The following GAB4 variants were observed in gnomAD, a reference collection of about 807,000 sequenced individuals.
The protein encoded by GAB4 is GRB2 associated binding protein family member 4, also known as GRB2-associated-binding protein 4.
GAB4 carries 26 observed loss-of-function variants against 51.3 expected under a neutral mutation model. The ratio of observed to expected loss-of-function variants is 0.51; its 90% CI spans 0.37 to 0.70. The LOEUF (loss-of-function observed/expected upper bound fraction) is 0.70, where lower values mean the gene tolerates loss of function less well. Among genes scored for constraint, GAB4 ranks in the 30% least tolerant of loss-of-function variants. The probability of loss-of-function intolerance (pLI) is 0.00; values close to 1 mark genes in which losing one functional copy is unlikely to be tolerated. For missense variants in GAB4, 759 were observed against 734.6 expected (o/e 1.03, Z -0.38); for synonymous variants, 329 against 291.2 (o/e 1.13, Z -1.32).
chr22:16,965,779 G>GC (rs2060667558), intron 6 of GAB4, among the ~76,000 whole-genome samples: 1 of 152,162 alleles, frequency 6.6e-6, no homozygotes, highest in Admixed American at 6.5e-5. Flanking sequence ...TGAACCCCGT[G>GC]CTGGGCCAAG....
chr22:17,005,768 A>T (rs1394128523), intron 1 of GAB4, among the ~76,000 whole-genome samples: 1 of 152,232 alleles, frequency 6.6e-6, no homozygotes, highest in South Asian at 2.1e-4. Flanking sequence ...CTATTTAATA[A>T]ATGGTGTTGG....
intron 2 of GAB4, among the ~76,000 whole-genome samples, chr22:16,991,336 GC>G (rs2060912564): frequency 1.3e-5 from 2 of 150,416 alleles, no homozygotes; most frequent in Admixed American, 6.6e-5. Context: ...AAAGCCTGCT[GC>G]TCCTCAACCT....
chr22:16,975,034 G>A (rs1182951801), intron 3 of GAB4, among the ~76,000 whole-genome samples: 2 of 152,166 alleles, frequency 1.3e-5, no homozygotes, highest in African/African-American at 4.8e-5. Flanking sequence ...ATTCCCTCGG[G>A]TGCCTACACC....
intron 1 of GAB4, among the ~76,000 whole-genome samples, chr22:16,995,086 C>T (rs1203983737): frequency 1.3e-5 from 2 of 152,168 alleles, no homozygotes; most frequent in East Asian, 3.8e-4. Flanking sequence ...CTATAAACGC[C>T]TTGGTCATAA....
chr22:16,964,884 G>A (rs1215107733), intron 7 of GAB4, 22 bp from the exon 8 acceptor site: 1 of 1,591,664 alleles, frequency 6.3e-7, no homozygotes, highest in African/African-American at 1.3e-5. Context: ...AGAAGGCAAG[G>A]AGTACATCCT....
intron 1 of GAB4, among the ~76,000 whole-genome samples, chr22:17,006,000 CA>C (rs756137312): frequency 2.0e-5 from 3 of 152,158 alleles, no homozygotes; most frequent in Non-Finnish European, 4.4e-5. Context: ...GCAATGGTAA[CA>C]AAAGCCAAAA....
At chr22:16,984,590 G>A (rs1263585878) in intron 3 of GAB4, among the ~76,000 whole-genome samples, 8 of 152,056 alleles carry the variant, frequency 5.3e-5, no homozygotes, top group Admixed American at 5.2e-4. Context: ...TGTGTAGACT[G>A]TGGGTTGCCA....
intron 8 of GAB4, 98 bp downstream of exon 8, chr22:16,964,668 G>A: frequency 1.3e-6 from 1 of 786,764 alleles, no homozygotes; most frequent in Non-Finnish European, 2.1e-6. Flanking sequence ...ACTGGGCTGG[G>A]GTGAGTCAGC....
At chr22:17,005,392 G>A (rs2061032391) in intron 1 of GAB4, among the ~76,000 whole-genome samples, 1 of 152,200 alleles carries the variant, frequency 6.6e-6, no homozygotes, top group African/African-American at 2.4e-5. Flanking sequence ...CTCATGGATA[G>A]GAAGAATCAA....
chr22:16,966,614 C>G (rs2060678347), intron 5 of GAB4: 1 of 507,742 alleles, frequency 2.0e-6, no homozygotes, highest in Non-Finnish European at 3.5e-6. Flanking sequence ...TTCCATGACA[C>G]AGTCAACATG....
Position 16,965,188 on chromosome 22 carries a change from A to ACCC in GAB4, c.1368_1369insGGG (p.Trp456_Ser457insGly). ...CTGACAGACACTCACCTGGTCCCAG[A>ACCC]CCAGGGCTCTGTGACAGGTGGCTTG... On this transcript the variant is annotated inframe_insertion, in exon 7 of 10. Coordinates refer to ENST00000400588, the MANE Select transcript of GAB4 (RefSeq NM_001037814.1). 6.2e-7 allele frequency: 1 copy of ACCC among 1,613,094 alleles called. No homozygotes were observed. Among genetic ancestry groups the ACCC allele is most frequent in the South Asian group, 1.1e-5 (1 of 90,966 alleles).
In GAB4 at chr22:16,981,222, C is replaced by T. The variant is rs187780917; in HGVS notation, c.686+6738G>A. Among the ~76,000 whole-genome samples, 106 of 149,986 alleles carry T rather than the reference C, an allele frequency of 7.1e-4. 1 individual carries two copies. In the East Asian group the frequency reaches 0.017, roughly 24 times the overall value. ...AGTAGAAAAAAACTAAATGATGCCCCTTAAAAAAGTTCAAAAGTAAGAAAA... is the reference window on the plus strand; with the variant it reads ...AGTAGAAAAAAACTAAATGATGCCCTTTAAAAAAGTTCAAAAGTAAGAAAA... On this transcript the variant is annotated intron_variant, in intron 3 of 9. Coordinates refer to ENST00000400588, the MANE Select transcript of GAB4 (RefSeq NM_001037814.1).
At chr22:16,977,530 T>C (rs2060789327) in intron 3 of GAB4, among the ~76,000 whole-genome samples, 1 of 152,154 alleles carries the variant, frequency 6.6e-6, no homozygotes, top group African/African-American at 2.4e-5. Flanking sequence ...ATAAAGCAAG[T>C]TCTTCTGGAC....
chr22:17,000,061 C>T (rs76145986), intron 1 of GAB4, among the ~76,000 whole-genome samples: 51,379 of 151,906 alleles, frequency 0.34, 9,185 homozygotes, highest in South Asian at 0.46. Flanking sequence ...TTACTTCCAA[C>T]GATGTGGTCA....
chr22:17,008,010 C>A lies in GAB4; in HGVS notation c.105G>T (p.Thr35=). Residue 35 remains threonine (T), a synonymous_variant, in exon 1 of 10, where the codon ACG becomes ACT. Coordinates refer to ENST00000400588, the MANE Select transcript of GAB4 (RefSeq NM_001037814.1). ...WPGSGPAGGS[T]RSGHVLYSGW... is the part of the protein sequence containing the mutation. ...CGCTGTACAGCACGTGGCCACTTCT[C>A]GTGCTTCCGCCGGCGGGGCCACTTC... 1 of 1,612,302 alleles carries A rather than the reference C, an allele frequency of 6.2e-7. No homozygotes were observed. The highest frequency in any genetic ancestry group is 8.5e-7 in the Non-Finnish European group (1 of 1,179,434).
chr22:16,962,334 T>C lies in GAB4; in HGVS notation c.*399A>G. On this transcript the variant is annotated 3_prime_UTR_variant, in exon 10 of 10. Coordinates refer to ENST00000400588, the MANE Select transcript of GAB4 (RefSeq NM_001037814.1). ...TCCCCTGACCAAAAAATGCCAGGGCTGAAAAGGTCCATGTCCACTGTGGCC... is the reference window on the plus strand; with the variant it reads ...TCCCCTGACCAAAAAATGCCAGGGCCGAAAAGGTCCATGTCCACTGTGGCC... 6.1e-6 allele frequency: 1 copy of C among 162,780 alleles called. No individual in the cohort carries two copies. Among genetic ancestry groups the C allele is most frequent in the Non-Finnish European group, 1.3e-5 (1 of 75,402 alleles). The allele number at this position is 162,780 out of a possible 1,614,324, so 10.1% of individuals were successfully genotyped here. A position where few individuals can be genotyped will look rare whatever the true frequency, so the allele number is the denominator to read the frequency against.
intron 1 of GAB4, among the ~76,000 whole-genome samples, chr22:17,002,261 A>G (rs1198518019): frequency 3.3e-5 from 5 of 152,150 alleles, no homozygotes; most frequent in Admixed American, 1.3e-4. Flanking sequence ...AGCTGTTCCT[A>G]TTTGGCCATC....
At chr22:17,000,694 G>C (rs1225018827) in intron 1 of GAB4, among the ~76,000 whole-genome samples, 2 of 152,126 alleles carry the variant, frequency 1.3e-5, no homozygotes, top group Non-Finnish European at 2.9e-5. Flanking sequence ...ATGTTAGCTG[G>C]TTATTTTGCT....
chr22:17,007,452 T>G (rs1442555489), intron 1 of GAB4, among the ~76,000 whole-genome samples: 1 of 149,688 alleles, frequency 6.7e-6, no homozygotes, highest in Non-Finnish European at 1.5e-5. Flanking sequence ...TGCCCGCGTT[T>G]TCCTGGGGCC....
Sources: allele counts gnomAD v4.1 joint callset (sites outside exome capture counted in the v4.1 genomes callset), GRCh38; gene constraint gnomAD v4.1.1; transcripts MANE v1.5; gene names NCBI Gene and HGNC (gene_info 2026-07-23, HGNC 2026-07-21).